The following ADCY4 variants were observed in gnomAD, a reference collection of about 807,000 sequenced individuals.
ADCY4 encodes adenylate cyclase 4.
A neutral mutation model predicts 125.5 loss-of-function variants in ADCY4; 111 were observed. The ratio of observed to expected loss-of-function variants is 0.88; its 90% CI spans 0.76 to 1.04. The LOEUF is 1.04. Among genes scored for constraint, ADCY4 ranks in the 50% least tolerant of loss-of-function variants. The probability of loss-of-function intolerance (pLI) is 0.00; values close to 1 mark genes in which losing one functional copy is unlikely to be tolerated. For missense variants in ADCY4, 1,256 were observed against 1,382.9 expected (o/e 0.91, Z 1.46); for synonymous variants, 576 against 586.9 (o/e 0.98, Z 0.27).
chr14:24,319,779 A>T lies in ADCY4; in HGVS notation c.2696T>A (p.Leu899Gln). 7 of 1,614,222 alleles carry T rather than the reference A, an allele frequency of 4.3e-6. No homozygotes were observed. Among genetic ancestry groups the T allele is most frequent in the Non-Finnish European group, 5.9e-6 (7 of 1,180,030 alleles). The change falls in exon 21 of 25, where the codon CTG becomes CAG. Residue 899 changes from leucine to glutamine, a missense_variant. Transcript: ENST00000418030. The surrounding 1 kb of genome is among the most constrained non-coding windows in gnomAD (Gnocchi z 4.5). ...AGCAATTATCTCATTGAGCAGCCTC[A>T]GACACTCTAGGCCCTCATGATTGAT... is the stretch of plus-strand genomic sequence containing the variant. ...SNINHEGLEC[L>Q]RLLNEIIADF...
Position 24,334,498 on chromosome 14 carries a change from C to A in ADCY4, c.155G>T (p.Gly52Val). 6.3e-7 allele frequency: 1 copy of A among 1,578,496 alleles called. No homozygotes were observed. Among genetic ancestry groups the A allele is most frequent in the Non-Finnish European group, 8.6e-7 (1 of 1,168,706 alleles). ...AALLAVAWAS[G>V]RELTSDPSFL... ...CGCAGCAGAGGCTCGGCTCACCCTG[C>A]CGCTGGCCCAGGCCACTGCGAGCAG... Residue 52 changes from glycine (G) to valine (V), a missense_variant, in exon 1 of 25, where the codon GGC becomes GTC. Transcript: ENST00000418030.
At chr14:24,325,588 C>A in intron 13 of ADCY4, 114 bp from the exon 14 acceptor site, 1 of 996,756 alleles carries the variant, frequency 1.0e-6, no homozygotes, top group South Asian at 1.5e-5. Flanking sequence ...GGCTCCAGTT[C>A]AGTTCCATGT....
Position 24,330,295 on chromosome 14 carries a change from C to T in ADCY4, c.931G>A (p.Glu311Lys), listed in dbSNP as rs771452557. 6 of 1,613,888 alleles carry T rather than the reference C, an allele frequency of 3.7e-6. No homozygotes were observed. The African/African-American group carries it at 6.7e-5, about 18-fold the overall frequency. ...LFGKFDQIAK[E>K]HECMRIKILG... ...ATCTTGATCCGCATGCATTCATGCT[C>T]CTGGGAGTGTGTATGTGGGTGTGCA... Residue 311 changes from glutamate (E) to lysine (K), a missense_variant and splice_region_variant, in exon 7 of 25, where the codon GAG becomes AAG. Physicochemically the swap from Glu to Lys is moderately conservative, Grantham distance 56. Transcript: ENST00000418030.
Position 24,331,693 on chromosome 14 carries a change from GC to G in ADCY4, c.669+94del, listed in dbSNP as rs1019742438. The G allele has an allele frequency of 2.3e-5, 32 of 1,406,772 alleles. No individual in the cohort carries two copies. The African/African-American group carries it at 4.3e-4, about 19-fold the overall frequency. The allele number at this position is 1,406,772 out of a possible 1,614,324, so 87.1% of individuals were successfully genotyped here. On this transcript the variant is annotated intron_variant, in intron 4 of 24. Coordinates refer to ENST00000418030, the MANE Select transcript of ADCY4 (RefSeq NM_001198568.2). ...AAAGAGGAAACAGGTCAAGAAACCT[GC>G]CCAGAGTCACTCAACTTGTGGAGGA...
intron 10 of ADCY4, among the ~76,000 whole-genome samples, chr14:24,328,138 G>T (rs2041977824): frequency 6.6e-6 from 1 of 151,364 alleles, no homozygotes; most frequent in African/African-American, 2.4e-5. Context: ...CCAGCATCTG[G>T]GAAGACGCCC....
intron 19 of ADCY4, 167 bp from the exon 20 acceptor site, chr14:24,322,391 T>C (rs1028882946): frequency 1.1e-6 from 1 of 901,488 alleles, no homozygotes; most frequent in Non-Finnish European, 1.7e-6. Flanking sequence ...TCCTTGAAAT[T>C]AGATTCAGAC....
In ADCY4 at chr14:24,319,218, A is replaced by C; in HGVS notation, c.2842-6T>G. On this transcript the variant is annotated splice_polypyrimidine_tract_variant and splice_region_variant and intron_variant, in intron 22 of 24. Transcript: ENST00000418030. The surrounding 1 kb of genome is among the most constrained non-coding windows in gnomAD (Gnocchi z 4.5). ...CTGCAGCTCCGTTCAGCATCCTGGC[A>C]ATGGGCCCGCCCACCAGGGTGGGCC... 6.2e-7 allele frequency: 1 copy of C among 1,614,126 alleles called. No individual in the cohort carries two copies. The highest frequency in any genetic ancestry group is 1.1e-5 in the South Asian group (1 of 91,080).
At chr14:24,326,896 A>ATTTTTTTTTTT (rs3078135) in intron 10 of ADCY4, among the ~76,000 whole-genome samples, 4 of 109,938 alleles carry the variant, frequency 3.6e-5, no homozygotes, top group South Asian at 6.2e-4. Context: ...ACCTGGCTGG[A>ATTTTTTTTTTT]TTTTTTTTTT....
intron 6 of ADCY4, 98 bp from the exon 7 acceptor site, chr14:24,330,393 A>G: frequency 6.5e-7 from 1 of 1,543,832 alleles, no homozygotes; most frequent in South Asian, 1.2e-5. Context: ...GTATTCCTGA[A>G]GAACTTCCAA....
chr14:24,325,185 GA>G (rs1208201244), intron 14 of ADCY4, among the ~76,000 whole-genome samples, 191 bp downstream of exon 14: 5 of 138,250 alleles, frequency 3.6e-5, no homozygotes, highest in Non-Finnish European at 6.1e-5. Flanking sequence ...GGGCTGTGTA[GA>G]AAGTCCACAG....
rs2042021208 is a variant in ADCY4 at position 24,330,305 on chromosome 14, T to G, written c.931-10A>C. On this transcript the variant is annotated splice_polypyrimidine_tract_variant and intron_variant, in intron 6 of 24. Coordinates refer to ENST00000418030, the MANE Select transcript of ADCY4 (RefSeq NM_001198568.2). ...GCATGCATTCATGCTCCTGGGAGTG[T>G]GTATGTGGGTGTGCAGAGGAACCTG... 1 of 1,613,682 alleles carries G rather than the reference T, an allele frequency of 6.2e-7. No individual in the cohort carries two copies. The highest frequency in any genetic ancestry group is 1.3e-5 in the African/African-American group (1 of 74,844).
chr14:24,321,997 G>A (rs908055764), intron 20 of ADCY4, 69 bp downstream of exon 20: 38 of 1,532,214 alleles, frequency 2.5e-5, no homozygotes, highest in Admixed American at 2.1e-4. Context: ...CGGGCCATAG[G>A]TCAAGGCTTT....
rs780121469 is a variant in ADCY4 at position 24,323,046 on chromosome 14, G to A, written c.2200C>T (p.Leu734Phe). The change falls in exon 18 of 25, where the codon CTC (leucine) becomes TTC (phenylalanine). Residue 734 changes from leucine (L) to phenylalanine (F), a missense_variant. Leu to Phe is a conservative substitution (Grantham distance 22). Transcript: ENST00000418030. Reference protein sequence around the residue: ...CCTLGFLSCSLFLHMSFELKL... With the variant: ...CCTLGFLSCSFFLHMSFELKL... Reference sequence around the variant, plus strand: ...AGCTCGAAGCTCATGTGCAGAAAGAGGGAGCAGGAGAGGAAGCCCAGCGTG... The same window carrying A: ...AGCTCGAAGCTCATGTGCAGAAAGAAGGAGCAGGAGAGGAAGCCCAGCGTG... 1 of 1,614,186 alleles carries A rather than the reference G, an allele frequency of 6.2e-7. No individual in the cohort carries two copies. Among genetic ancestry groups the A allele is most frequent in the Non-Finnish European group, 8.5e-7 (1 of 1,180,026 alleles).
At chr14:24,323,832 G>T (rs2041895589) in intron 16 of ADCY4, among the ~76,000 whole-genome samples, 1 of 152,178 alleles carries the variant, frequency 6.6e-6, no homozygotes, top group South Asian at 2.1e-4. Context: ...ATAAGTAACT[G>T]CCTACACAGA....
chr14:24,328,232 G>GGGGT (rs1555316913), intron 10 of ADCY4, among the ~76,000 whole-genome samples: 1 of 56,128 alleles, frequency 1.8e-5, no homozygotes, highest in African/African-American at 1.2e-4. Context: ...AAAGCGGGGT[G>GGGGT]GGGGGGGGGG....
chr14:24,332,339 C>T, intron 3 of ADCY4, 183 bp downstream of exon 3: 2 of 666,006 alleles, frequency 3.0e-6, no homozygotes, highest in Non-Finnish European at 4.8e-6. Context: ...GCCTGGATCC[C>T]TCTTCTGGTA....
In ADCY4 at chr14:24,332,565, T is replaced by TA; in HGVS notation, c.475dup (p.Tyr159LeufsTer101). ...CCGTGAGTCCGGCTGTGGCCCAAGATACAGCCCGAGGACCAGCAGATGCGA... is the reference window on the plus strand; with the variant it reads ...CCGTGAGTCCGGCTGTGGCCCAAGATAACAGCCCGAGGACCAGCAGATGCGA... On this transcript the variant is annotated frameshift_variant, in exon 3 of 25. Coordinates refer to ENST00000418030, the MANE Select transcript of ADCY4 (RefSeq NM_001198568.2). LOFTEE classifies it high-confidence loss of function. 6.3e-7 allele frequency: 1 copy of TA among 1,575,634 alleles called. No homozygotes were observed.
chr14:24,319,291 C>A lies in ADCY4; in HGVS notation c.2841+38G>T, dbSNP rs752376679. The A allele has an allele frequency of 2.5e-6, 4 of 1,612,566 alleles. No homozygotes were observed. The highest frequency in any genetic ancestry group is 4.5e-5 in the East Asian group (2 of 44,872). On this transcript the variant is annotated intron_variant, in intron 22 of 24. Transcript: ENST00000418030. The surrounding 1 kb of genome is among the most constrained non-coding windows in gnomAD (Gnocchi z 4.5). ...CCACTAATAAGCCCATCAATGAGAG[C>A]CCAGAGGAGGATGGTAGGTAAGGAA...
chr14:24,330,803 C>T (rs979762013), intron 6 of ADCY4: 10 of 542,174 alleles, frequency 1.8e-5, no homozygotes, highest in East Asian at 2.9e-5. Flanking sequence ...ACATCTGTGG[C>T]GATATTGAGG....
Sources: allele counts gnomAD v4.1 joint callset (sites outside exome capture counted in the v4.1 genomes callset), GRCh38; gene constraint gnomAD v4.1.1; non-coding constraint Gnocchi (gnomAD v3.1); transcripts MANE v1.5; gene names NCBI Gene and HGNC (gene_info 2026-07-23, HGNC 2026-07-21).